The following CHODL variants were observed in gnomAD, a reference collection of about 807,000 sequenced individuals.
CHODL encodes transmembrane protein MT75.
CHODL carries 29 observed loss-of-function variants against 34.5 expected under a neutral mutation model. The ratio of observed to expected loss-of-function variants is 0.84; its 90% CI spans 0.63 to 1.15. The LOEUF is 1.15. Ranked by LOEUF, CHODL falls within the 50% of genes most tolerant of loss-of-function variation. The pLI is 0.00. For synonymous variants in CHODL, 125 were observed against 116.1 expected (o/e 1.08, Z -0.49); for missense variants, 332 against 332.5 (o/e 1.00, Z 0.01).
At chr21:18,202,118 T>G (rs965979357) in intron 2 of CHODL, among the ~76,000 whole-genome samples, 11 of 152,210 alleles carry the variant, frequency 7.2e-5, no homozygotes, top group African/African-American at 2.4e-4. Flanking sequence ...AGACATTTTT[T>G]ATTAAAGTCC....
At chr21:18,242,110 A>T (rs1453686907), upstream of CHODL, among the ~76,000 whole-genome samples, 2 of 152,088 alleles carry the variant, frequency 1.3e-5, no homozygotes, top group African/African-American at 4.8e-5. Flanking sequence ...CCAGACATAC[A>T]CAATTCCTCA....
At chr21:18,058,858 A>G (rs1031791627) in intron 2 of CHODL, among the ~76,000 whole-genome samples, 8 of 152,144 alleles carry the variant, frequency 5.3e-5, no homozygotes, top group South Asian at 4.1e-4. Flanking sequence ...TCATTAACTC[A>G]GAATGGGCAA....
chr21:18,243,552 T>TC (rs549371405), upstream of CHODL, among the ~76,000 whole-genome samples: 432 of 152,154 alleles, frequency 2.8e-3, 2 homozygotes, highest in African/African-American at 0.01. Flanking sequence ...ATTCTATTTT[T>TC]TTTTTTTTTG....
At chr21:18,138,709 C>T (rs2072767018) in intron 2 of CHODL, among the ~76,000 whole-genome samples, 1 of 152,164 alleles carries the variant, frequency 6.6e-6, no homozygotes, top group Non-Finnish European at 1.5e-5. Flanking sequence ...CAGCCAGCGA[C>T]TTATTAGTAC....
intron 1 of CHODL, among the ~76,000 whole-genome samples, chr21:18,006,286 G>C (rs1402645128): frequency 1.3e-5 from 2 of 151,704 alleles, no homozygotes; most frequent in Admixed American, 6.6e-5. Flanking sequence ...TGGGTTGATA[G>C]GTGCAGCAAA....
chr21:18,124,706 G>A (rs1200165535), intron 2 of CHODL, among the ~76,000 whole-genome samples: 2 of 152,146 alleles, frequency 1.3e-5, no homozygotes, highest in East Asian at 3.9e-4. Context: ...ATAAACCTCT[G>A]AAGAAGTTTA....
intron 2 of CHODL, among the ~76,000 whole-genome samples, chr21:18,044,961 G>T (rs919288936): frequency 6.6e-6 from 1 of 151,968 alleles, no homozygotes; most frequent in Non-Finnish European, 1.5e-5. Flanking sequence ...ATGTCGTTAT[G>T]CAGATGCATG....
At chr21:18,200,240 T>C (rs1441785771) in intron 2 of CHODL, among the ~76,000 whole-genome samples, 1 of 152,148 alleles carries the variant, frequency 6.6e-6, no homozygotes, top group Non-Finnish European at 1.5e-5. Context: ...ATCTATTGAC[T>C]CAAATACAAA....
intron 1 of CHODL, among the ~76,000 whole-genome samples, chr21:18,011,932 ACAAAT>A (rs1297805728): frequency 6.6e-6 from 1 of 152,232 alleles, no homozygotes; most frequent in Non-Finnish European, 1.5e-5. Flanking sequence ...AGAGAAGACT[ACAAAT>A]CAACTTAGTT....
At position 18,162,915 on chromosome 21, in the gene CHODL, G is replaced by T. The variant is rs151110862; in HGVS notation, c.-44-93594G>T. On this transcript the variant is annotated intron_variant, in intron 2 of 6. Coordinates refer to the CHODL transcript ENST00000400127. ...CTCAGCCTCCTGAGCAGCTGGGACT[G>T]CAGGTGTACACCAACATGCTCAGTT... Among the ~76,000 whole-genome samples the T allele has an allele frequency of 3.9e-5, 6 of 152,220 alleles. No homozygotes were observed. The East Asian group carries it at 1.2e-3, about 29-fold the overall frequency.
At chr21:18,151,103 A>AAAG (rs2146627374) in intron 2 of CHODL, among the ~76,000 whole-genome samples, 1 of 124,500 alleles carries the variant, frequency 8.0e-6, no homozygotes, top group South Asian at 2.7e-4. Flanking sequence ...AAAAAAAAAA[A>AAAG]AAGAAAGAAA....
chr21:17,961,072 C>T (rs197566), intron 1 of CHODL, among the ~76,000 whole-genome samples: 2,042 of 152,148 alleles, frequency 0.013, 44 homozygotes, highest in African/African-American at 0.046. Flanking sequence ...CCCTATATTC[C>T]GAGTGCCTAA....
In CHODL at chr21:18,179,533, C is replaced by A. The variant is rs572127634; in HGVS notation, c.-44-76976C>A. On this transcript the variant is annotated intron_variant, in intron 2 of 6. Coordinates refer to the CHODL transcript ENST00000400127. ...TATTTCTACCACTCTAGAGTTGTGGCAGTTTTACCCTTTAGTCAAAGAACA... is the reference window on the plus strand; with the variant it reads ...TATTTCTACCACTCTAGAGTTGTGGAAGTTTTACCCTTTAGTCAAAGAACA... 5.3e-5 allele frequency among the ~76,000 whole-genome samples: 8 copies of A among 152,202 alleles called. No homozygotes were observed. In the East Asian group the frequency reaches 1.5e-3, roughly 29 times the overall value.
At chr21:18,172,516 G>T (rs572312630) in intron 2 of CHODL, among the ~76,000 whole-genome samples, 1 of 151,864 alleles carries the variant, frequency 6.6e-6, no homozygotes, top group South Asian at 2.1e-4. Context: ...GATAGCTATG[G>T]GATTAATTCA....
chr21:18,076,627 G>T (rs1426563120), intron 2 of CHODL, among the ~76,000 whole-genome samples: 1 of 152,210 alleles, frequency 6.6e-6, no homozygotes, highest in African/African-American at 2.4e-5. Context: ...GAACACAAAG[G>T]ATGTGGTCAA....
intron 1 of CHODL, among the ~76,000 whole-genome samples, chr21:17,986,381 T>C (rs971552882): frequency 4.6e-5 from 7 of 152,110 alleles, no homozygotes; most frequent in African/African-American, 1.4e-4. Context: ...GTTCTCATTG[T>C]TCAACTCCCA....
At chr21:18,079,044 G>A (rs1176202101) in intron 2 of CHODL, among the ~76,000 whole-genome samples, 1 of 152,052 alleles carries the variant, frequency 6.6e-6, no homozygotes, top group African/African-American at 2.4e-5. Flanking sequence ...ATTGTATAGT[G>A]GTAAAGCCTG....
intron 1 of CHODL, among the ~76,000 whole-genome samples, chr21:17,936,814 G>C (rs1029469936): frequency 2.0e-5 from 3 of 152,060 alleles, no homozygotes; most frequent in Non-Finnish European, 4.4e-5. Context: ...GGTGGCTCAC[G>C]CCTTTAATCT....
chr21:18,067,971 CTGTTT>C (rs1457516828), intron 2 of CHODL, among the ~76,000 whole-genome samples: 1 of 152,056 alleles, frequency 6.6e-6, no homozygotes, highest in Non-Finnish European at 1.5e-5. Flanking sequence ...AATTGTTGCT[CTGTTT>C]TATTTTTCCT....
Sources: gnomAD v4.1 joint callset for allele counts (sites outside exome capture counted in the v4.1 genomes callset) on GRCh38, gnomAD v4.1.1 for gene constraint, MANE v1.5 for transcripts, NCBI Gene and HGNC (gene_info 2026-07-23, HGNC 2026-07-21) for gene names.